SYBU: variants seen among roughly 807,000 people sequenced by gnomAD.
The protein encoded by SYBU is syntabulin.
A neutral mutation model predicts 35.9 loss-of-function variants in SYBU; 21 were observed. That is an observed-to-expected ratio of 0.58 (90% CI 0.41 to 0.84). SYBU has a LOEUF of 0.84. Among genes scored for constraint, SYBU ranks in the 40% least tolerant of loss-of-function variants. SYBU has a pLI of 0.00. For missense variants in SYBU, 768 were observed against 848.2 expected, an observed-to-expected ratio of 0.91 and a Z score of 1.17; for synonymous variants, 319 against 324.3, an observed-to-expected ratio of 0.98 and a Z score of 0.18.
At chr8:109,650,648 C>T (rs550462974) in intron 1 of SYBU, among the ~76,000 whole-genome samples, 1 of 152,178 alleles carries the variant, frequency 6.6e-6, no homozygotes, top group African/African-American at 2.4e-5. Context: ...TAAAGCTAGC[C>T]TTTGCTGTGT....
chr8:109,648,678 C>T (rs956175389), upstream of SYBU: 3 of 152,104 alleles, frequency 2.0e-5, no homozygotes, highest in African/African-American at 7.2e-5. Context: ...CACTCTTCCT[C>T]ACATCTCACC....
At chr8:109,627,670 T>G (rs1230755449) in intron 2 of SYBU, among the ~76,000 whole-genome samples, 1 of 152,200 alleles carries the variant, frequency 6.6e-6, no homozygotes, top group African/African-American at 2.4e-5. Flanking sequence ...TTTCTAAAAT[T>G]TTCAAGTTAT....
intron 2 of SYBU, among the ~76,000 whole-genome samples, chr8:109,630,547 C>T (rs1216724744): frequency 3.3e-5 from 5 of 151,914 alleles, no homozygotes; most frequent in Non-Finnish European, 7.4e-5. Context: ...AAGAAAAGTA[C>T]ATATATTTGA....
chr8:109,618,377 A>G (rs1175323178), intron 3 of SYBU, among the ~76,000 whole-genome samples: 1 of 152,184 alleles, frequency 6.6e-6, no homozygotes, highest in Non-Finnish European at 1.5e-5. Context: ...TAAATCTCTA[A>G]AAGACTATAA....
intron 1 of SYBU, among the ~76,000 whole-genome samples, chr8:109,649,927 C>A (rs567262154): frequency 5.3e-5 from 8 of 152,196 alleles, no homozygotes; most frequent in African/African-American, 1.9e-4. Context: ...ATTAGACAAT[C>A]TGTTGGTCTC....
chr8:109,626,407 G>A (rs1339925492), intron 2 of SYBU, among the ~76,000 whole-genome samples: 1 of 152,132 alleles, frequency 6.6e-6, no homozygotes, highest in Non-Finnish European at 1.5e-5. Flanking sequence ...AATATGGCAT[G>A]AGGGTTAGAT....
intron 2 of SYBU, among the ~76,000 whole-genome samples, chr8:109,628,908 T>C (rs1813277507): frequency 6.6e-6 from 1 of 152,084 alleles, no homozygotes; most frequent in African/African-American, 2.4e-5. Flanking sequence ...AGCTACTTCA[T>C]TAGATATATT....
chr8:109,650,421 G>A (rs966476561), intron 1 of SYBU, among the ~76,000 whole-genome samples: 1 of 152,192 alleles, frequency 6.6e-6, no homozygotes, highest in African/African-American at 2.4e-5. Context: ...TCTTCTCAAA[G>A]AGCAAGAACA....
intron 5 of SYBU, among the ~76,000 whole-genome samples, chr8:109,578,586 G>A (rs984945641): frequency 9.9e-5 from 15 of 152,198 alleles, no homozygotes; most frequent in Non-Finnish European, 8.8e-5. Context: ...ATTGAAGGGG[G>A]TATTGGTGTA....
intron 1 of SYBU, among the ~76,000 whole-genome samples, chr8:109,671,899 AT>A (rs900017401): frequency 6.6e-6 from 1 of 151,872 alleles, no homozygotes; most frequent in African/African-American, 2.4e-5. Flanking sequence ...GTCAAAATGA[AT>A]TTTTTTTGTT....
At chr8:109,641,753 G>A (rs572259895) in intron 2 of SYBU, among the ~76,000 whole-genome samples, 24 of 152,192 alleles carry the variant, frequency 1.6e-4, no homozygotes, top group Non-Finnish European at 3.1e-4. Context: ...ACAAAGGAAT[G>A]CATCTTTAAA....
At chr8:109,664,176 T>C (rs754395773) in intron 1 of SYBU, among the ~76,000 whole-genome samples, 42 of 152,088 alleles carry the variant, frequency 2.8e-4, no homozygotes, top group Non-Finnish European at 5.1e-4. Flanking sequence ...ACAAAAGAAG[T>C]ACGTACTGAT....
intron 6 of SYBU, among the ~76,000 whole-genome samples, chr8:109,577,251 T>G (rs1822436880): frequency 6.6e-6 from 1 of 152,124 alleles, no homozygotes; most frequent in African/African-American, 2.4e-5. Context: ...GGTCAGAGCT[T>G]TCCTGGTCTG....
intron 1 of SYBU, among the ~76,000 whole-genome samples, chr8:109,675,232 A>G (rs1817141526): frequency 6.6e-6 from 1 of 152,194 alleles, no homozygotes; most frequent in Non-Finnish European, 1.5e-5. Flanking sequence ...GAAAAGAACT[A>G]GAGGAGCAAG....
At chr8:109,665,596 G>C (rs1483316259) in intron 1 of SYBU, among the ~76,000 whole-genome samples, 4 of 152,156 alleles carry the variant, frequency 2.6e-5, no homozygotes, top group African/African-American at 4.8e-5. Flanking sequence ...CTTCAAATCA[G>C]CTAATTAATT....
intron 2 of SYBU, among the ~76,000 whole-genome samples, chr8:109,640,637 T>C (rs1332381932): frequency 6.6e-6 from 1 of 152,182 alleles, no homozygotes; most frequent in African/African-American, 2.4e-5. Flanking sequence ...TTCTCAGTTA[T>C]CCTTTTGTTT....
At chr8:109,648,275 AAT>A (rs757131978), upstream of SYBU, among the ~76,000 whole-genome samples, 75 of 144,976 alleles carry the variant, frequency 5.2e-4, no homozygotes, top group Middle Eastern at 7.2e-3. Flanking sequence ...ATATATATAT[AAT>A]ATATATATAT....
chr8:109,638,035 GTGTATCTGTGTGTGCACATTAGAAACA>G (rs1487186059), intron 2 of SYBU, among the ~76,000 whole-genome samples: 2 of 152,186 alleles, frequency 1.3e-5, no homozygotes, highest in Non-Finnish European at 2.9e-5. Flanking sequence ...ACACTTGCCT[GTGTATCTGTGTGTGCACATTAGAAACA>G]TGAAAATAAC....
At chr8:109,622,239 T>G (rs1297860203) in intron 2 of SYBU, among the ~76,000 whole-genome samples, 1 of 148,596 alleles carries the variant, frequency 6.7e-6, no homozygotes, top group Middle Eastern at 3.2e-3. Flanking sequence ...TATCTATCTA[T>G]CTATCTTTTT....
Sources: gnomAD v4.1 joint callset for allele counts (sites outside exome capture counted in the v4.1 genomes callset) on GRCh38, gnomAD v4.1.1 for gene constraint, MANE v1.5 for transcripts, NCBI Gene and HGNC (gene_info 2026-07-23, HGNC 2026-07-21) for gene names.